Variants in CPVL observed in about 807,000 individuals in gnomAD.
CPVL encodes carboxypeptidase vitellogenic like, also known as probable serine carboxypeptidase CPVL.
In CPVL, 51 loss-of-function variants were observed where a neutral mutation model predicts 63.7. The ratio of observed to expected loss-of-function variants is 0.80; its 90% CI spans 0.64 to 1.01. The LOEUF is 1.01. CPVL is among the 50% of genes least tolerant of loss of function. The probability of loss-of-function intolerance (pLI) is 0.00; values close to 1 mark genes in which losing one functional copy is unlikely to be tolerated. For synonymous variants in CPVL, 195 were observed against 206.0 expected (o/e 0.95, Z 0.46); for missense variants, 530 against 573.1 (o/e 0.92, Z 0.77).
chr7:28,994,771 C>T (rs143651866), downstream of CPVL, among the ~76,000 whole-genome samples: 109 of 152,242 alleles, frequency 7.2e-4, no homozygotes, highest in Middle Eastern at 3.4e-3. Flanking sequence ...AACTATTTGC[C>T]GCAAGAACAG....
intron 5 of CPVL, among the ~76,000 whole-genome samples, chr7:29,179,229 C>G (rs1426612992): frequency 6.6e-6 from 1 of 152,198 alleles, no homozygotes; most frequent in African/African-American, 2.4e-5. Context: ...AGGCTCCATC[C>G]CCTCACACAG....
At position 29,146,426 on chromosome 7, in the gene CPVL, T is replaced by TACC. The variant is rs1418061648; in HGVS notation, c.-11+2_-11+3insGGT. The TACC allele has an allele frequency of 4.5e-5, 52 of 1,149,716 alleles. 1 individual carries two copies. The Middle Eastern group carries it at 1.5e-3, about 33-fold the overall frequency. The allele number at this position is 1,149,716 out of a possible 1,614,324, so 71.2% of individuals were successfully genotyped here. A position where few individuals can be genotyped will look rare whatever the true frequency, so the allele number is the denominator to read the frequency against. On this transcript the variant is annotated splice_region_variant and intron_variant, in intron 1 of 12. Coordinates refer to ENST00000265394, the MANE Select transcript of CPVL (RefSeq NM_031311.5). ...CGACCCACGCAGGGCAGGCGGCACT[T>TACC]ACGCGGCGCAGTCGGTGCTCCTCCC...
At chr7:29,088,594 G>T in intron 6 of CPVL, among the ~76,000 whole-genome samples, 1 of 152,094 alleles carries the variant, frequency 6.6e-6, no homozygotes. Flanking sequence ...TTTTAGTCAA[G>T]AACTCTTCTT....
chr7:29,025,627 C>T (rs1787419341), intron 12 of CPVL, among the ~76,000 whole-genome samples: 1 of 152,126 alleles, frequency 6.6e-6, no homozygotes, highest in African/African-American at 2.4e-5. Context: ...AAGACACATA[C>T]AGACTGAAAG....
rs1442250475 is a variant in CPVL at position 29,038,771 on chromosome 7, A to G, written c.1138-8012T>C. On this transcript the variant is annotated intron_variant, in intron 11 of 12. Transcript: ENST00000265394. ...AAAAAGATCAGTAGGTCTCAATCCA[A>G]CACTATCCATTTATTTCACTTCCTT... Among the ~76,000 whole-genome samples the G allele has an allele frequency of 5.9e-5, 9 of 152,210 alleles. No homozygotes were observed. In the South Asian group the frequency reaches 1.2e-3, roughly 21 times the overall value.
chr7:29,164,229 T>C (rs1795588766), intron 5 of CPVL, among the ~76,000 whole-genome samples: 1 of 152,226 alleles, frequency 6.6e-6, no homozygotes, highest in African/African-American at 2.4e-5. Context: ...AAACTTGAAT[T>C]TTCCTAATGA....
At chr7:29,174,876 A>G (rs1283336772) in intron 5 of CPVL, among the ~76,000 whole-genome samples, 2 of 151,818 alleles carry the variant, frequency 1.3e-5, no homozygotes, top group Non-Finnish European at 2.9e-5. Flanking sequence ...AAAAAAAAAA[A>G]GAATTTTTAG....
intron 11 of CPVL, among the ~76,000 whole-genome samples, chr7:29,049,748 T>A (rs926377418): frequency 6.6e-6 from 1 of 152,026 alleles, no homozygotes; most frequent in African/African-American, 2.4e-5. Context: ...CTGATGAACA[T>A]AGACACTAAA....
At chr7:29,130,513 G>A (rs546890568) in intron 1 of CPVL, among the ~76,000 whole-genome samples, 3 of 152,262 alleles carry the variant, frequency 2.0e-5, no homozygotes, top group South Asian at 2.1e-4. Context: ...TCTCATAGCC[G>A]TTCACTAACA....
intron 11 of CPVL, among the ~76,000 whole-genome samples, chr7:29,053,006 T>A (rs1039888639): frequency 6.6e-6 from 1 of 152,200 alleles, no homozygotes; most frequent in Non-Finnish European, 1.5e-5. Context: ...AGTATTTGGA[T>A]ACACATTTCT....
intron 11 of CPVL, among the ~76,000 whole-genome samples, chr7:29,047,665 A>G (rs542570479): frequency 2.6e-5 from 4 of 152,322 alleles, no homozygotes; most frequent in East Asian, 1.9e-4. Context: ...AGACCTAGAC[A>G]TCCAAATACA....
intron 12 of CPVL, chr7:29,012,006 T>C (rs1785897152): frequency 6.6e-6 from 1 of 152,176 alleles, no homozygotes; most frequent in Non-Finnish European, 1.5e-5. Flanking sequence ...CAGTTAGAGG[T>C]TAGAGAAAAT....
chr7:29,087,761 G>C (rs17676666), intron 6 of CPVL, among the ~76,000 whole-genome samples: 15,568 of 152,184 alleles, frequency 0.1, 1,028 homozygotes, highest in Middle Eastern at 0.14. Flanking sequence ...GTTACAAAGA[G>C]GCAAAATTGG....
chr7:29,146,599 A>T (rs770946319), upstream of CPVL: 1 of 1,550,382 alleles, frequency 6.5e-7, no homozygotes, highest in East Asian at 2.4e-5. Flanking sequence ...CCAGACCCAC[A>T]GGGCAAAAAG....
At chr7:28,996,853 T>A (rs890868269) in intron 12 of CPVL, among the ~76,000 whole-genome samples, 1 of 150,480 alleles carries the variant, frequency 6.6e-6, no homozygotes, top group Admixed American at 6.6e-5. Context: ...CACTTCAGCA[T>A]CACATTATTC....
chr7:29,095,364 G>T (rs563931378), intron 4 of CPVL, among the ~76,000 whole-genome samples: 1 of 152,184 alleles, frequency 6.6e-6, no homozygotes, highest in South Asian at 2.1e-4. Context: ...CTACACCTGA[G>T]ATAAAGCTTG....
chr7:29,101,190 C>T (rs1481328189), intron 3 of CPVL, among the ~76,000 whole-genome samples: 2 of 152,184 alleles, frequency 1.3e-5, no homozygotes, highest in African/African-American at 4.8e-5. Context: ...AAGAAATGAC[C>T]ACTTTAGTTC....
chr7:29,041,951 T>C (rs1408045509), intron 11 of CPVL, among the ~76,000 whole-genome samples: 1 of 152,246 alleles, frequency 6.6e-6, no homozygotes, highest in Non-Finnish European at 1.5e-5. Context: ...TTCATGTGCC[T>C]TCTAGAAAAT....
intron 7 of CPVL, chr7:29,082,241 C>G (rs142120406): frequency 1.3e-4 from 20 of 152,200 alleles, no homozygotes; most frequent in African/African-American, 4.6e-4. Context: ...AAGAGTGAGT[C>G]TAGATAACTG....
Sources: gnomAD v4.1 joint callset for allele counts (sites outside exome capture counted in the v4.1 genomes callset) on GRCh38, gnomAD v4.1.1 for gene constraint, MANE v1.5 for transcripts, NCBI Gene and HGNC (gene_info 2026-07-23, HGNC 2026-07-21) for gene names.